Variants in WDFY4 observed in about 807,000 individuals in gnomAD.
WDFY4 encodes the protein WD repeat- and FYVE domain-containing protein 4.
A neutral mutation model predicts 351.9 loss-of-function variants in WDFY4; 169 were observed. That is an observed-to-expected ratio of 0.48 (90% CI 0.42 to 0.55). The LOEUF (loss-of-function observed/expected upper bound fraction) is 0.55, where lower values mean the gene tolerates loss of function less well. WDFY4 is among the 20% of genes least tolerant of loss of function. The pLI is 0.00. For synonymous variants in WDFY4, 1,622 were observed against 1,574.6 expected (o/e 1.03, Z -0.71); for missense variants, 3,803 against 3,935.6 (o/e 0.97, Z 0.90).
intron 39 of WDFY4, among the ~76,000 whole-genome samples, chr10:48,844,765 G>A: frequency 6.6e-6 from 1 of 152,160 alleles, no homozygotes; most frequent in South Asian, 2.1e-4. Flanking sequence ...GGATTTAAGG[G>A]ATTCCTCAAG....
chr10:48,886,926 G>A (rs1393371317), intron 43 of WDFY4, among the ~76,000 whole-genome samples: 1 of 152,238 alleles, frequency 6.6e-6, no homozygotes, highest in Non-Finnish European at 1.5e-5. Context: ...CATGGCATAA[G>A]GGATTTCTTA....
rs375286835 is a variant in WDFY4 at position 48,714,780 on chromosome 10, T to C, written c.234+4814T>C. Among the ~76,000 whole-genome samples, 84 of 152,330 alleles carry C rather than the reference T, an allele frequency of 5.5e-4. 1 individual carries two copies. The highest frequency in any genetic ancestry group is 1.9e-3 in the African/African-American group (80 of 41,576). On this transcript the variant is annotated intron_variant, in intron 2 of 61. Transcript: ENST00000325239. ...TCCTCAGCAATTAATGCAAAATCTATCAGTGTCTGAGATAGACAACTTGGG... is the reference window on the plus strand; with the variant it reads ...TCCTCAGCAATTAATGCAAAATCTACCAGTGTCTGAGATAGACAACTTGGG...
chr10:48,900,284 G>A lies in WDFY4; in HGVS notation c.7501G>A (p.Asp2501Asn). Residue 2501 changes from aspartate (D) to asparagine (N), a missense_variant, in exon 46 of 62, where the codon GAT (aspartate) becomes AAT (asparagine). Physicochemically the swap from Asp to Asn is conservative, Grantham distance 23. Transcript: ENST00000325239. ...YSKFLVFYNN[D>N]RSKAFKSFCS... ...CAAGTTTCTTGTCTTCTACAACAAT[G>A]ATCGGAGTAAGGCCTTTAAAAGGTA... 1 of 1,551,650 alleles carries A rather than the reference G, an allele frequency of 6.4e-7. No individual in the cohort carries two copies. Among genetic ancestry groups the A allele is most frequent in the Non-Finnish European group, 8.7e-7 (1 of 1,146,958 alleles).
intron 24 of WDFY4, among the ~76,000 whole-genome samples, chr10:48,798,527 CTT>C (rs1290732395): frequency 6.6e-6 from 1 of 152,172 alleles, no homozygotes; most frequent in African/African-American, 2.4e-5. Flanking sequence ...AATTAGAAAA[CTT>C]AGTTCATTTG....
chr10:48,788,644 A>G lies in WDFY4; in HGVS notation c.3923A>G (p.Asn1308Ser), dbSNP rs1201565324. Residue 1308 changes from asparagine (N) to serine (S), a missense_variant, in exon 21 of 62, where the codon AAT (asparagine) becomes AGT (serine). Around this residue, in one of 3 missense-constraint regions of WDFY4, gnomAD observed 3,054 missense variants for 3,148.6 expected, o/e 0.97. Transcript: ENST00000325239. Reference protein sequence around the residue: ...TSVADIRNAYNEVDSRLIAKE... With the variant: ...TSVADIRNAYSEVDSRLIAKE... ...GTAGCGGACATCAGAAATGCTTACA[A>G]TGAGGTGGACAGCCGCCTGATCGCC... is the stretch of plus-strand genomic sequence containing the variant. 1.6e-5 allele frequency: 25 copies of G among 1,551,636 alleles called. No homozygotes were observed. The Admixed American group carries it at 3.5e-4, about 22-fold the overall frequency.
Position 48,745,843 on chromosome 10 carries a change from A to G in WDFY4, c.2459+2295A>G, listed in dbSNP as rs1424907615. 9.0e-6 allele frequency: 3 copies of G among 332,510 alleles called. No individual in the cohort carries two copies. In the East Asian group the frequency reaches 2.5e-4, roughly 28 times the overall value. The allele number at this position is 332,510 out of a possible 1,614,324, so 20.6% of individuals were successfully genotyped here. ...ATTCCATCGAACACCTCGGCGTCCAAGGCAGCCTGGCCTCGCTGGGCCTTG... is the reference window on the plus strand; with the variant it reads ...ATTCCATCGAACACCTCGGCGTCCAGGGCAGCCTGGCCTCGCTGGGCCTTG... On this transcript the variant is annotated intron_variant, in intron 12 of 61. Transcript: ENST00000325239.
At chr10:48,823,860 C>A (rs2067910807) in intron 35 of WDFY4, 1 of 986,460 alleles carries the variant, frequency 1.0e-6, no homozygotes, top group African/African-American at 1.7e-5. Flanking sequence ...TGAGACCCAT[C>A]TGAGGAGCAG....
chr10:48,728,876 G>A (rs921256859), intron 7 of WDFY4, among the ~76,000 whole-genome samples: 6 of 152,236 alleles, frequency 3.9e-5, no homozygotes, highest in South Asian at 2.1e-4. Flanking sequence ...AAGGTCCCAC[G>A]TGGGCTCATT....
chr10:48,766,111 A>G (rs1263339269), intron 13 of WDFY4, among the ~76,000 whole-genome samples: 2 of 152,008 alleles, frequency 1.3e-5, no homozygotes, highest in East Asian at 3.9e-4. Context: ...ACCAACAAGG[A>G]AATTGGTAAA....
intron 23 of WDFY4, among the ~76,000 whole-genome samples, chr10:48,795,038 A>G (rs2066810391): frequency 6.6e-6 from 1 of 152,150 alleles, no homozygotes; most frequent in South Asian, 2.1e-4. Flanking sequence ...CATAGGAGGA[A>G]GAGATCCAGG....
intron 14 of WDFY4, 70 bp from the exon 15 acceptor site, chr10:48,775,642 C>G: frequency 7.0e-7 from 1 of 1,429,708 alleles, no homozygotes; most frequent in Non-Finnish European, 9.6e-7. Context: ...GGACAGTTGT[C>G]AGGATAAAGT....
At chr10:48,809,582 A>G (rs1270965800) in intron 28 of WDFY4, among the ~76,000 whole-genome samples, 1 of 151,876 alleles carries the variant, frequency 6.6e-6, no homozygotes, top group East Asian at 1.9e-4. Flanking sequence ...CAACATCACC[A>G]CCACCATCAA....
intron 32 of WDFY4, 122 bp from the exon 33 acceptor site, chr10:48,820,112 G>A: frequency 8.9e-7 from 1 of 1,124,216 alleles, no homozygotes; most frequent in South Asian, 1.5e-5. Flanking sequence ...CCTGTGCGGA[G>A]CCTCAATTTC....
chr10:48,777,591 A>G (rs1002695718), intron 17 of WDFY4, 96 bp downstream of exon 17: 18 of 1,241,294 alleles, frequency 1.5e-5, no homozygotes, highest in Non-Finnish European at 2.0e-5. Flanking sequence ...GTGTTTCAAT[A>G]AAGTGTGAGC....
intron 54 of WDFY4, among the ~76,000 whole-genome samples, chr10:48,965,119 A>G (rs1311168157): frequency 1.3e-5 from 2 of 152,342 alleles, no homozygotes; most frequent in South Asian, 2.1e-4. Flanking sequence ...TAAAAAATAT[A>G]TAATAATACA....
intron 44 of WDFY4, among the ~76,000 whole-genome samples, chr10:48,893,999 G>C (rs141288773): frequency 1.3e-5 from 2 of 152,264 alleles, no homozygotes; most frequent in African/African-American, 4.8e-5. Context: ...CCTGAAATTC[G>C]ATTCATTTTG....
chr10:48,757,766 C>T (rs944624071), intron 12 of WDFY4, among the ~76,000 whole-genome samples: 3 of 149,574 alleles, frequency 2.0e-5, no homozygotes, highest in African/African-American at 4.9e-5. Flanking sequence ...TTTGTCTCTC[C>T]TTTTTTTTTA....
At chr10:48,940,222 A>C (rs548798222) in intron 47 of WDFY4, among the ~76,000 whole-genome samples, 1 of 152,242 alleles carries the variant, frequency 6.6e-6, no homozygotes, top group Non-Finnish European at 1.5e-5. Flanking sequence ...GCAGAGTCGC[A>C]GACACAGCAG....
chr10:48,843,570 AT>A (rs1444781075), intron 39 of WDFY4, among the ~76,000 whole-genome samples: 1 of 152,214 alleles, frequency 6.6e-6, no homozygotes, highest in African/African-American at 2.4e-5. Context: ...CAGAAAAAAA[AT>A]GTATACTGTA....
Sources: gnomAD v4.1 joint callset for allele counts (sites outside exome capture counted in the v4.1 genomes callset) on GRCh38, gnomAD v4.1.1 for gene constraint, gnomAD v4.1.1 regional missense constraint, MANE v1.5 for transcripts, NCBI Gene and HGNC (gene_info 2026-07-23, HGNC 2026-07-21) for gene names.